Variants in KLF12 observed in about 807,000 individuals in gnomAD.
KLF12 encodes Krueppel-like factor 12.
A neutral mutation model predicts 37.8 loss-of-function variants in KLF12; 9 were observed. That is an observed-to-expected ratio of 0.24 (90% CI 0.14 to 0.42). The LOEUF is 0.42. Ranked by LOEUF, KLF12 falls within the 10% of genes least tolerant of loss-of-function variation. KLF12 has a pLI of 1.00. For synonymous variants in KLF12, 208 were observed against 202.1 expected (o/e 1.03, Z -0.25); for missense variants, 411 against 516.0 (o/e 0.80, Z 1.97).
chr13:73,829,816 T>C (rs994628842), intron 4 of KLF12, among the ~76,000 whole-genome samples: 1 of 152,242 alleles, frequency 6.6e-6, no homozygotes, highest in Admixed American at 6.5e-5. Flanking sequence ...CTATTAAGGA[T>C]GATTGCATTC....
At position 73,690,687 on chromosome 13, in the gene KLF12, AG is replaced by A. The variant is rs572968063; in HGVS notation, c.*4802del. 6.6e-6 allele frequency: 1 copy of A among 152,326 alleles called. No individual in the cohort carries two copies. The highest frequency in any genetic ancestry group is 2.1e-4 in the South Asian group (1 of 4,832). 9.4% of individuals were successfully genotyped at this position (152,326 alleles called of 1,614,324 possible). A position where few individuals can be genotyped will look rare whatever the true frequency, so the allele number is the denominator to read the frequency against. ...ATGGCAATTTCACTCATTGTGTGTA[AG>A]ATATACAAGGCATATCTGAACAAGT... On this transcript the variant is annotated 3_prime_UTR_variant, in exon 8 of 8. Transcript: ENST00000377669.
chr13:74,007,727 T>C (rs563314934), intron 1 of KLF12, among the ~76,000 whole-genome samples: 3 of 152,246 alleles, frequency 2.0e-5, no homozygotes, highest in South Asian at 2.1e-4. Context: ...ATATGAAGAA[T>C]AGTCACAATA....
chr13:73,750,730 A>G (rs1468503466), intron 6 of KLF12, among the ~76,000 whole-genome samples: 1 of 139,492 alleles, frequency 7.2e-6, no homozygotes, highest in East Asian at 2.0e-4. Context: ...CTATCAACCC[A>G]TCACCTAGGT....
At chr13:73,784,696 T>C (rs893424108) in intron 5 of KLF12, among the ~76,000 whole-genome samples, 2 of 150,688 alleles carry the variant, frequency 1.3e-5, no homozygotes, top group Non-Finnish European at 3.0e-5. Context: ...AGTGGCACGA[T>C]CTAGGCTCAC....
chr13:73,743,530 T>C (rs969204863), intron 6 of KLF12, among the ~76,000 whole-genome samples: 2 of 152,186 alleles, frequency 1.3e-5, no homozygotes, highest in Admixed American at 1.3e-4. Context: ...ACAAGTTGAA[T>C]GTACTAGAAA....
intron 1 of KLF12, among the ~76,000 whole-genome samples, chr13:74,007,603 T>A (rs898186381): frequency 5.3e-5 from 8 of 152,112 alleles, no homozygotes; most frequent in African/African-American, 1.9e-4. Context: ...ATTACCCCAA[T>A]ACAGCTAATG....
At chr13:74,042,339 C>A (rs1893427428) in intron 1 of KLF12, among the ~76,000 whole-genome samples, 1 of 151,804 alleles carries the variant, frequency 6.6e-6, no homozygotes, top group Admixed American at 6.6e-5. Context: ...TATCTACTGG[C>A]CACTGGCTAC....
At chr13:73,710,670 G>A (rs115276297) in intron 7 of KLF12, among the ~76,000 whole-genome samples, 1,846 of 151,846 alleles carry the variant, frequency 0.012, 38 homozygotes, top group African/African-American at 0.042. Context: ...TGTTGTGTGT[G>A]TTGTGACTGC....
chr13:74,038,398 G>C (rs1450235128), intron 1 of KLF12, among the ~76,000 whole-genome samples: 1 of 152,146 alleles, frequency 6.6e-6, no homozygotes, highest in Non-Finnish European at 1.5e-5. Context: ...TCTACATGCT[G>C]GGGCTACAGA....
At chr13:74,038,976 G>A (rs889367854) in intron 1 of KLF12, among the ~76,000 whole-genome samples, 4 of 151,496 alleles carry the variant, frequency 2.6e-5, no homozygotes, top group Admixed American at 1.3e-4. Context: ...AATTAACCTC[G>A]AATAGCCATT....
intron 1 of KLF12, among the ~76,000 whole-genome samples, chr13:74,065,111 AT>A (rs1359406719): frequency 5.9e-5 from 9 of 152,080 alleles, no homozygotes; most frequent in Non-Finnish European, 1.0e-4. Context: ...ATACACATAC[AT>A]TCCACTATCC....
chr13:73,858,084 CTTTTT>C (rs1028611426), intron 3 of KLF12, among the ~76,000 whole-genome samples: 4 of 152,092 alleles, frequency 2.6e-5, no homozygotes, highest in Non-Finnish European at 4.4e-5. Flanking sequence ...ACTACATTTT[CTTTTT>C]TATCTTTTTT....
chr13:74,083,491 GAGACACACAC>G (rs1449313304), intron 1 of KLF12, among the ~76,000 whole-genome samples: 36 of 117,610 alleles, frequency 3.1e-4, no homozygotes, highest in Admixed American at 2.3e-3. Context: ...TGGGCGATAG[GAGACACACAC>G]ACACACACAC....
chr13:74,174,080 C>T, the KLF12 span, among the ~76,000 whole-genome samples: 4 of 152,070 alleles, frequency 2.6e-5, no homozygotes, highest in South Asian at 2.1e-4. Flanking sequence ...TACATGATGC[C>T]GGTCCTCCTA....
chr13:73,754,169 G>C (rs1039662196), intron 6 of KLF12, among the ~76,000 whole-genome samples: 10 of 152,118 alleles, frequency 6.6e-5, no homozygotes, highest in African/African-American at 1.4e-4. Context: ...CCTGAAAAGA[G>C]AGAGTAGCAA....
the KLF12 span, among the ~76,000 whole-genome samples, chr13:74,168,360 C>T: frequency 1.3e-5 from 2 of 152,228 alleles, no homozygotes; most frequent in South Asian, 2.1e-4. Context: ...GTCTTATCTC[C>T]CTCTCCATAT....
chr13:74,130,515 G>T (rs1878200993), intron 1 of KLF12, among the ~76,000 whole-genome samples: 1 of 152,014 alleles, frequency 6.6e-6, no homozygotes, highest in Non-Finnish European at 1.5e-5. Flanking sequence ...TTTTTAGCTG[G>T]GTGTGGCAGT....
the KLF12 span, among the ~76,000 whole-genome samples, chr13:74,235,903 T>A: frequency 2.0e-5 from 3 of 150,706 alleles, no homozygotes; most frequent in African/African-American, 4.8e-5. Flanking sequence ...ACCGAATTTT[T>A]ATTTTTTAAT....
rs1380137521 is a variant in KLF12, at chr13:73,815,956, GAT to G, written c.671-2671_671-2670del. 5.9e-5 allele frequency among the ~76,000 whole-genome samples: 9 copies of G among 152,252 alleles called. No homozygotes were observed. The South Asian group carries it at 1.9e-3, about 32-fold the overall frequency. ...TGAAAGTTTAAAATATGTTAAATAT[GAT>G]ATCTTTTTGATGTACTTTTCAGGAG... On this transcript the variant is annotated intron_variant, in intron 4 of 7. Coordinates refer to ENST00000377669, the MANE Select transcript of KLF12 (RefSeq NM_007249.5).
Sources: gnomAD v4.1 joint callset for allele counts (sites outside exome capture counted in the v4.1 genomes callset) on GRCh38, gnomAD v4.1.1 for gene constraint, MANE v1.5 for transcripts, NCBI Gene and HGNC (gene_info 2026-07-23, HGNC 2026-07-21) for gene names.